LIN54: variants seen among roughly 807,000 people sequenced by gnomAD.
LIN54 encodes the protein lin-54 DREAM MuvB core complex component.
Under a neutral mutation model 78.7 loss-of-function variants are expected in LIN54, and 9 were observed. The observed-to-expected ratio is 0.11, with a 90% CI of 0.07 to 0.20. LIN54 has a LOEUF of 0.20. Ranked by LOEUF, LIN54 falls within the 10% of genes least tolerant of loss-of-function variation. The pLI is 1.00. For missense variants in LIN54, 573 were observed against 889.9 expected, an observed-to-expected ratio of 0.64 and a Z score of 4.53; for synonymous variants, 269 against 318.4, an observed-to-expected ratio of 0.84 and a Z score of 1.65.
chr4:82,929,727 A>G (rs1378583669), intron 12 of LIN54, among the ~76,000 whole-genome samples: 1 of 151,906 alleles, frequency 6.6e-6, no homozygotes, highest in Non-Finnish European at 1.5e-5. Flanking sequence ...AATTGCTTAA[A>G]CCCAGGAGGC....
chr4:82,991,967 C>T (rs1372690211), intron 1 of LIN54, among the ~76,000 whole-genome samples: 2 of 152,074 alleles, frequency 1.3e-5, no homozygotes. Flanking sequence ...GGAGATAATG[C>T]TAGCCTAATA....
rs142168802 is a variant in LIN54 at position 82,975,871 on chromosome 4, G to C, written c.808+3012C>G. ...AGTGTGAAATTTAACAGAAGTTTAA[G>C]ATAAGTACTTGGTAAGTATAACCAA... is the stretch of plus-strand genomic sequence containing the variant. On this transcript the variant is annotated intron_variant, in intron 3 of 12. Coordinates refer to ENST00000340417, the MANE Select transcript of LIN54 (RefSeq NM_194282.4). Among the ~76,000 whole-genome samples the C allele has an allele frequency of 3.9e-3, 592 of 152,228 alleles. 3 individuals carry two copies. The highest frequency in any genetic ancestry group is 0.013 in the African/African-American group (547 of 41,548).
chr4:82,974,580 T>C (rs1333401445), intron 3 of LIN54, among the ~76,000 whole-genome samples: 1 of 151,262 alleles, frequency 6.6e-6, no homozygotes, highest in Non-Finnish European at 1.5e-5. Context: ...CTACTAAAAA[T>C]ACAAAAATTA....
chr4:82,993,948 G>C lies in LIN54; in HGVS notation c.-32-9072C>G, dbSNP rs572628334. ...TACATTTTTAAATGGTTGGGGCAAG[G>C]GGGAATATGACAGACTTACATGACT... On this transcript the variant is annotated intron_variant, in intron 1 of 12. Transcript: ENST00000340417. 3.9e-5 allele frequency among the ~76,000 whole-genome samples: 6 copies of C among 152,128 alleles called. No homozygotes were observed. The South Asian group carries it at 1.2e-3, about 32-fold the overall frequency.
intron 1 of LIN54, among the ~76,000 whole-genome samples, chr4:82,994,065 C>A (rs1727979663): frequency 6.6e-6 from 1 of 152,102 alleles, no homozygotes; most frequent in East Asian, 1.9e-4. Flanking sequence ...AAACTTTCTT[C>A]TTTTTTACAG....
intron 11 of LIN54, among the ~76,000 whole-genome samples, chr4:82,932,255 C>T (rs1383589964): frequency 8.6e-5 from 13 of 151,336 alleles, no homozygotes; most frequent in Admixed American, 2.0e-4. Flanking sequence ...CCACCACGCC[C>T]GGCTAATTTT....
At chr4:82,942,312 T>C (rs2126039936) in intron 5 of LIN54, among the ~76,000 whole-genome samples, 1 of 152,198 alleles carries the variant, frequency 6.6e-6, no homozygotes, top group Non-Finnish European at 1.5e-5. Flanking sequence ...AGAGAGAATA[T>C]ATGATTAGTG....
chr4:82,947,235 A>ATATATATATATATATTTTT, intron 4 of LIN54, among the ~76,000 whole-genome samples: 1 of 44,290 alleles, frequency 2.3e-5, no homozygotes. Context: ...ATATATATAT[A>ATATATATATATATATTTTT]TTTTTTTTTT....
At chr4:82,949,989 G>A (rs1323581759) in intron 4 of LIN54, among the ~76,000 whole-genome samples, 2 of 151,682 alleles carry the variant, frequency 1.3e-5, no homozygotes, top group African/African-American at 2.4e-5. Context: ...GGGATTACAG[G>A]AGTGTGCCAC....
chr4:82,939,463 G>T, intron 7 of LIN54, 76 bp downstream of exon 7: 2 of 1,226,300 alleles, frequency 1.6e-6, no homozygotes, highest in Non-Finnish European at 1.2e-6. Flanking sequence ...TGTTTGAGTA[G>T]CTTCTGTGAT....
At chr4:82,938,601 G>A in intron 7 of LIN54, 97 bp from the exon 8 acceptor site, 1 of 693,396 alleles carries the variant, frequency 1.4e-6, no homozygotes, top group Admixed American at 2.6e-5. Flanking sequence ...CATCCATTAA[G>A]ATAAGAAAAA....
chr4:82,948,194 T>G (rs1471287398), intron 4 of LIN54, among the ~76,000 whole-genome samples: 1 of 152,074 alleles, frequency 6.6e-6, no homozygotes, highest in Non-Finnish European at 1.5e-5. Context: ...CTATATCCGC[T>G]CAAAATGGGG....
At chr4:82,975,059 T>C (rs926217904) in intron 3 of LIN54, among the ~76,000 whole-genome samples, 1 of 151,914 alleles carries the variant, frequency 6.6e-6, no homozygotes, top group Non-Finnish European at 1.5e-5. Flanking sequence ...ACTATACACT[T>C]AAAACAGTTA....
At chr4:83,004,791 G>A (rs1322139385) in intron 1 of LIN54, among the ~76,000 whole-genome samples, 3 of 152,096 alleles carry the variant, frequency 2.0e-5, no homozygotes, top group Non-Finnish European at 2.9e-5. Flanking sequence ...GAGCCACTGT[G>A]CCTGACCCAA....
At position 82,984,856 on chromosome 4, in the gene LIN54, C is replaced by G. The variant is rs562645846; in HGVS notation, c.-12G>C. On this transcript the variant is annotated 5_prime_UTR_variant, in exon 2 of 13. Transcript: ENST00000340417. The stretch of plus-strand genomic sequence containing the variant: ...GGCACCACCTCCATGATCGTTCTCC[C>G]GCTAGAAAGTTGATCAGGCACTGTA... 2 of 1,593,970 alleles carry G rather than the reference C, an allele frequency of 1.3e-6. No individual in the cohort carries two copies. Among genetic ancestry groups the G allele is most frequent in the Non-Finnish European group, 1.7e-6 (2 of 1,170,258 alleles).
At chr4:82,973,887 C>T (rs1264247354) in intron 3 of LIN54, among the ~76,000 whole-genome samples, 3 of 152,278 alleles carry the variant, frequency 2.0e-5, no homozygotes, top group African/African-American at 7.2e-5. Flanking sequence ...ATTCATGCAA[C>T]AATATGCATT....
chr4:82,930,512 A>T (rs1238891530), intron 12 of LIN54, among the ~76,000 whole-genome samples: 1 of 152,218 alleles, frequency 6.6e-6, no homozygotes, highest in Non-Finnish European at 1.5e-5. Context: ...AGCTCAGCAG[A>T]TGAAAGAGAT....
chr4:82,938,814 G>T (rs1163082895), intron 7 of LIN54, among the ~76,000 whole-genome samples: 2 of 152,166 alleles, frequency 1.3e-5, no homozygotes, highest in Non-Finnish European at 2.9e-5. Flanking sequence ...TAACTTGTTT[G>T]GGCTAGAAAA....
At chr4:82,971,962 A>C (rs753203406) in intron 3 of LIN54, among the ~76,000 whole-genome samples, 16 of 151,324 alleles carry the variant, frequency 1.1e-4, no homozygotes, top group Admixed American at 3.3e-4. Context: ...GGAAAGAGAG[A>C]AAGAAGGGAC....
Sources: allele counts gnomAD v4.1 joint callset (sites outside exome capture counted in the v4.1 genomes callset), GRCh38; gene constraint gnomAD v4.1.1; transcripts MANE v1.5; gene names NCBI Gene and HGNC (gene_info 2026-07-23, HGNC 2026-07-21).